The following PRRX1 variants were observed in gnomAD, a reference collection of about 807,000 sequenced individuals.
PRRX1 encodes the protein paired related homeobox 1.
Under a neutral mutation model 24.0 loss-of-function variants are expected in PRRX1, and 8 were observed. The observed-to-expected ratio is 0.33, with a 90% CI of 0.20 to 0.60. The LOEUF is 0.60. Among genes scored for constraint, PRRX1 ranks in the 20% least tolerant of loss-of-function variants. The probability of loss-of-function intolerance (pLI) is 0.82; values close to 1 mark genes in which losing one functional copy is unlikely to be tolerated. For synonymous variants in PRRX1, 160 were observed against 131.7 expected (o/e 1.22, Z -1.47); for missense variants, 281 against 322.4 (o/e 0.87, Z 0.98).
At chr1:170,679,456 G>A (rs1050330254) in intron 1 of PRRX1, among the ~76,000 whole-genome samples, 4 of 152,118 alleles carry the variant, frequency 2.6e-5, no homozygotes, top group African/African-American at 7.2e-5. Flanking sequence ...CTGGAGTGCA[G>A]TGGCACAATT....
intron 1 of PRRX1, among the ~76,000 whole-genome samples, chr1:170,684,855 G>A (rs528129880): frequency 2.6e-5 from 4 of 152,298 alleles, no homozygotes; most frequent in African/African-American, 9.6e-5. Context: ...ATTTTTCTCA[G>A]CATCTTGAGC....
chr1:170,712,669 CA>C (rs1654788080), intron 1 of PRRX1, among the ~76,000 whole-genome samples: 1 of 152,146 alleles, frequency 6.6e-6, no homozygotes, highest in Non-Finnish European at 1.5e-5. Flanking sequence ...ATTAAATTTT[CA>C]AATGACCCCA....
At chr1:170,671,995 G>A (rs1471261865) in intron 1 of PRRX1, among the ~76,000 whole-genome samples, 1 of 152,160 alleles carries the variant, frequency 6.6e-6, no homozygotes, top group Admixed American at 6.5e-5. Context: ...TGCCTGGAGT[G>A]TTAAGACAGA....
chr1:170,670,216 C>T (rs1169444735), intron 1 of PRRX1, among the ~76,000 whole-genome samples: 1 of 152,100 alleles, frequency 6.6e-6, no homozygotes, highest in African/African-American at 2.4e-5. Flanking sequence ...GAGTACCATT[C>T]CCATTGTTTG....
intron 1 of PRRX1, among the ~76,000 whole-genome samples, chr1:170,700,480 T>G (rs1294976322): frequency 6.6e-6 from 1 of 152,066 alleles, no homozygotes; most frequent in East Asian, 1.9e-4. Flanking sequence ...GTGTCATAGA[T>G]TGAAAGAAAG....
intron 3 of PRRX1, chr1:170,730,285 C>T (rs1440115157): frequency 1.9e-6 from 3 of 1,610,256 alleles, no homozygotes. Flanking sequence ...AGATCCTCGT[C>T]CCTCCCAAGA....
At chr1:170,702,246 G>A (rs1654409982) in intron 1 of PRRX1, among the ~76,000 whole-genome samples, 1 of 152,162 alleles carries the variant, frequency 6.6e-6, no homozygotes, top group Non-Finnish European at 1.5e-5. Flanking sequence ...GTTCCTATCA[G>A]GCCACGGACT....
chr1:170,726,626 C>A, intron 3 of PRRX1: 1 of 538,336 alleles, frequency 1.9e-6, no homozygotes, highest in Non-Finnish European at 3.3e-6. Flanking sequence ...CCAATCTCCT[C>A]TTGGACTCAG....
intron 1 of PRRX1, among the ~76,000 whole-genome samples, chr1:170,714,070 A>G (rs1324207705): frequency 1.3e-5 from 2 of 152,166 alleles, no homozygotes; most frequent in East Asian, 1.9e-4. Flanking sequence ...TATTGCAACA[A>G]TCTTCCCAGT....
chr1:170,669,778 C>T lies in PRRX1; in HGVS notation c.241+5319C>T, dbSNP rs574339526. ...TGTGCCTGCATTGCGACCCCCGGCG[C>T]GCCTCCAGTTCCAAGGCCGAGCTCA... is the stretch of plus-strand genomic sequence containing the variant. On this transcript the variant is annotated intron_variant, in intron 1 of 3. Coordinates refer to ENST00000239461, the MANE Select transcript of PRRX1 (RefSeq NM_022716.4). Among the ~76,000 whole-genome samples, 5 of 152,202 alleles carry T rather than the reference C, an allele frequency of 3.3e-5. No homozygotes were observed. The South Asian group carries it at 6.2e-4, about 19-fold the overall frequency.
At position 170,677,927 on chromosome 1, in the gene PRRX1, A is replaced by T. The variant is rs530149722; in HGVS notation, c.241+13468A>T. 2.0e-5 allele frequency among the ~76,000 whole-genome samples: 3 copies of T among 152,260 alleles called. No homozygotes were observed. The East Asian group carries it at 5.8e-4, about 29-fold the overall frequency. ...AGAGACTCTATGACATATGCTTGGG[A>T]CACAAGGTGTTAAGGTTTCTTATTC... On this transcript the variant is annotated intron_variant, in intron 1 of 3. Coordinates refer to ENST00000239461, the MANE Select transcript of PRRX1 (RefSeq NM_022716.4).
intron 1 of PRRX1, among the ~76,000 whole-genome samples, chr1:170,689,824 C>G (rs1004002769): frequency 1.2e-5 from 1 of 81,916 alleles, no homozygotes; most frequent in Non-Finnish European, 2.4e-5. Context: ...GTCTCTCTCT[C>G]TCTCTCTCTC....
chr1:170,675,322 G>T (rs1004105985), intron 1 of PRRX1, among the ~76,000 whole-genome samples: 39 of 152,196 alleles, frequency 2.6e-4, no homozygotes, highest in Non-Finnish European at 5.6e-4. Context: ...TTAGACCACA[G>T]TTAGAGAACT....
intron 3 of PRRX1, among the ~76,000 whole-genome samples, chr1:170,734,744 C>A (rs1336516960): frequency 2.0e-5 from 3 of 152,048 alleles, no homozygotes; most frequent in African/African-American, 7.2e-5. Context: ...TCTGGAAAGA[C>A]CTAGTGATCT....
chr1:170,705,242 G>A (rs1228937158), intron 1 of PRRX1, among the ~76,000 whole-genome samples: 2 of 152,080 alleles, frequency 1.3e-5, no homozygotes, highest in African/African-American at 2.4e-5. Context: ...ACTTCACTAG[G>A]AACCTTACAT....
At chr1:170,676,990 G>A (rs1653343986) in intron 1 of PRRX1, among the ~76,000 whole-genome samples, 2 of 152,126 alleles carry the variant, frequency 1.3e-5, no homozygotes, top group South Asian at 4.1e-4. Context: ...GAAATAAAGG[G>A]CTAAATGCAT....
chr1:170,690,323 G>A (rs1266837362), intron 1 of PRRX1, among the ~76,000 whole-genome samples: 1 of 152,038 alleles, frequency 6.6e-6, no homozygotes, highest in Non-Finnish European at 1.5e-5. Flanking sequence ...GGATATAGAA[G>A]GGTCACAAGG....
intron 1 of PRRX1, among the ~76,000 whole-genome samples, chr1:170,690,001 G>C (rs1330662646): frequency 2.0e-5 from 3 of 151,768 alleles, no homozygotes; most frequent in Non-Finnish European, 2.9e-5. Flanking sequence ...TCATCTGTAT[G>C]AAACACTTCT....
At chr1:170,712,603 A>G (rs563687412) in intron 1 of PRRX1, among the ~76,000 whole-genome samples, 1 of 152,288 alleles carries the variant, frequency 6.6e-6, no homozygotes, top group African/African-American at 2.4e-5. Flanking sequence ...TAGAAGTAAA[A>G]TCCACCTCTT....
Sources: gnomAD v4.1 joint callset for allele counts (sites outside exome capture counted in the v4.1 genomes callset) on GRCh38, gnomAD v4.1.1 for gene constraint, MANE v1.5 for transcripts, NCBI Gene and HGNC (gene_info 2026-07-23, HGNC 2026-07-21) for gene names.